The following LRRC8C variants were observed in gnomAD, a reference collection of about 807,000 sequenced individuals.
LRRC8C encodes the protein leucine rich repeat containing 8 VRAC subunit C.
In LRRC8C, 20 loss-of-function variants were observed where a neutral mutation model predicts 55.3. The observed-to-expected ratio is 0.36, with a 90% CI of 0.25 to 0.53. The LOEUF (loss-of-function observed/expected upper bound fraction) is 0.53. Ranked by LOEUF, LRRC8C falls within the 20% of genes least tolerant of loss-of-function variation. The pLI, the probability that LRRC8C is intolerant of heterozygous loss-of-function variation, is 0.92. For synonymous variants in LRRC8C, 376 were observed against 360.7 expected, an observed-to-expected ratio of 1.04 and a Z score of -0.48; for missense variants, 659 against 951.4, an observed-to-expected ratio of 0.69 and a Z score of 4.04.
chr1:89,621,029 G>A, the LRRC8C span, among the ~76,000 whole-genome samples: 2 of 152,182 alleles, frequency 1.3e-5, no homozygotes, highest in South Asian at 2.1e-4. Context: ...TAACGTTGCA[G>A]AGAATTTTGC....
intron 2 of LRRC8C, among the ~76,000 whole-genome samples, chr1:89,709,404 C>T (rs747902753): frequency 2.4e-4 from 36 of 152,188 alleles, no homozygotes; most frequent in Admixed American, 5.2e-4. Context: ...AATATAAAAA[C>T]GCAGTTGCAC....
Position 89,635,960 on chromosome 1 carries a change from A to G in LRRC8C, c.-5+2638A>G, listed in dbSNP as rs1354000112. Among the ~76,000 whole-genome samples the G allele has an allele frequency of 2.6e-5, 4 of 152,238 alleles. No individual in the cohort carries two copies. The East Asian group carries it at 7.7e-4, about 29-fold the overall frequency. ...TACAACTAATGAGGGTTACATAACC[A>G]TGGAGGTATCCTTGAATCTACTTGA... On this transcript the variant is annotated intron_variant, in intron 1 of 2. Coordinates refer to ENST00000370454, the MANE Select transcript of LRRC8C (RefSeq NM_032270.5).
At chr1:89,625,364 T>G in the LRRC8C span, among the ~76,000 whole-genome samples, 4 of 152,206 alleles carry the variant, frequency 2.6e-5, no homozygotes, top group Non-Finnish European at 5.9e-5. Context: ...AGTTGGTCAA[T>G]GAAAGAAATA....
At position 89,694,368 on chromosome 1, in the gene LRRC8C, GT is replaced by G. The variant is rs1488074067; in HGVS notation, c.138+7758del. On this transcript the variant is annotated intron_variant, in intron 2 of 2. Coordinates refer to ENST00000370454, the MANE Select transcript of LRRC8C (RefSeq NM_032270.5). Reference sequence around the variant, plus strand: ...TGGTGTATTACAGAAGATAAGACTTGTGGGGCATGGTAACATTCTACAGATG... The same window carrying G: ...TGGTGTATTACAGAAGATAAGACTTGGGGGCATGGTAACATTCTACAGATG... Among the ~76,000 whole-genome samples the G allele has an allele frequency of 2.0e-5, 3 of 152,224 alleles. No homozygotes were observed. In the East Asian group the frequency reaches 5.8e-4, roughly 29 times the overall value.
At chr1:89,653,080 A>G (rs1468856079) in intron 1 of LRRC8C, among the ~76,000 whole-genome samples, 1 of 152,136 alleles carries the variant, frequency 6.6e-6, no homozygotes, top group African/African-American at 2.4e-5. Flanking sequence ...TCTGAATGAG[A>G]TGAGGAACCA....
chr1:89,672,496 C>T (rs1657449089), intron 1 of LRRC8C, among the ~76,000 whole-genome samples: 1 of 152,196 alleles, frequency 6.6e-6, no homozygotes, highest in Non-Finnish European at 1.5e-5. Flanking sequence ...AAATAAAGTT[C>T]CAGGCATCGT....
At chr1:89,679,992 G>A (rs1239496128) in intron 1 of LRRC8C, among the ~76,000 whole-genome samples, 1 of 152,094 alleles carries the variant, frequency 6.6e-6, no homozygotes, top group African/African-American at 2.4e-5. Context: ...AAATTATCCT[G>A]GGGAGGAGGA....
chr1:89,669,643 G>C (rs1402575210), intron 1 of LRRC8C, among the ~76,000 whole-genome samples: 1 of 152,116 alleles, frequency 6.6e-6, no homozygotes, highest in Non-Finnish European at 1.5e-5. Flanking sequence ...CTCAAGATGA[G>C]AAAACAGAAG....
At chr1:89,711,530 T>G (rs762556990) in intron 2 of LRRC8C, among the ~76,000 whole-genome samples, 23 of 152,262 alleles carry the variant, frequency 1.5e-4, no homozygotes, top group Admixed American at 2.6e-4. Flanking sequence ...TACTCTTTGG[T>G]TATTCTTCCT....
intron 1 of LRRC8C, among the ~76,000 whole-genome samples, chr1:89,668,849 A>C (rs1455095898): frequency 6.6e-6 from 1 of 152,226 alleles, no homozygotes; most frequent in Non-Finnish European, 1.5e-5. Flanking sequence ...AAGCATGATA[A>C]CATTATATGT....
chr1:89,703,723 G>A (rs1423737507), intron 2 of LRRC8C, among the ~76,000 whole-genome samples: 1 of 151,962 alleles, frequency 6.6e-6, no homozygotes, highest in Non-Finnish European at 1.5e-5. Context: ...AAATACAGTC[G>A]CTATCTTCCT....
chr1:89,691,799 G>A (rs1287160016), intron 2 of LRRC8C, among the ~76,000 whole-genome samples: 1 of 152,004 alleles, frequency 6.6e-6, no homozygotes, highest in Non-Finnish European at 1.5e-5. Flanking sequence ...AGATTGTGAG[G>A]GCAAGGTTTG....
At chr1:89,650,502 A>AT (rs1472237528) in intron 1 of LRRC8C, among the ~76,000 whole-genome samples, 1 of 152,080 alleles carries the variant, frequency 6.6e-6, no homozygotes, top group Non-Finnish European at 1.5e-5. Flanking sequence ...GAAGTAAAAA[A>AT]AAAAAGGTAT....
chr1:89,672,782 A>ATATTTATT (rs147921862), intron 1 of LRRC8C, among the ~76,000 whole-genome samples: 8 of 147,690 alleles, frequency 5.4e-5, no homozygotes, highest in African/African-American at 1.6e-4. Context: ...CGTTGACTGG[A>ATATTTATT]TATTTATTTA....
chr1:89,661,211 T>C, intron 1 of LRRC8C: 1 of 224,960 alleles, frequency 4.4e-6, no homozygotes, highest in South Asian at 6.1e-5. Context: ...GAAACATTTG[T>C]TAGAAATCTG....
chr1:89,714,293 G>C lies in LRRC8C; in HGVS notation c.1723G>C (p.Asp575His), dbSNP rs140888492. The change falls in exon 3 of 3, where the codon GAT becomes CAT. Residue 575 changes from aspartate (D) to histidine (H), a missense_variant. Asp to His is a moderately conservative substitution (Grantham distance 81). Transcript: ENST00000370454. This position sits in a 1 kb window ranked among gnomAD's most constrained non-coding sequence, Gnocchi z 4.6. ...SHLQKMCIHN[D>H]GTKLVMLNNL... ...TCTCCAGAAGATGTGCATACATAAT[G>C]ATGGCACCAAGCTGGTGATGCTCAA... The C allele has an allele frequency of 4.3e-6, 7 of 1,614,012 alleles. No homozygotes were observed. In the African/African-American group the frequency reaches 6.7e-5, roughly 15 times the overall value.
At chr1:89,626,070 T>C in the LRRC8C span, among the ~76,000 whole-genome samples, 27 of 152,342 alleles carry the variant, frequency 1.8e-4, 2 homozygotes, top group Admixed American at 9.1e-4. Context: ...CAGTCATTTG[T>C]AGATTTAATT....
chr1:89,661,349 T>TG (rs781258017), intron 1 of LRRC8C: 9 of 347,816 alleles, frequency 2.6e-5, no homozygotes, highest in Non-Finnish European at 5.1e-5. Flanking sequence ...GATTGAACAA[T>TG]GCCAGACACG....
intron 2 of LRRC8C, among the ~76,000 whole-genome samples, chr1:89,697,569 G>A (rs1017293632): frequency 7.9e-5 from 12 of 152,132 alleles, no homozygotes; most frequent in Non-Finnish European, 1.5e-4. Flanking sequence ...TCAAACAACC[G>A]AAACAAATAG....
Sources: allele counts gnomAD v4.1 joint callset (sites outside exome capture counted in the v4.1 genomes callset), GRCh38; gene constraint gnomAD v4.1.1; non-coding constraint Gnocchi (gnomAD v3.1); transcripts MANE v1.5; gene names NCBI Gene and HGNC (gene_info 2026-07-23, HGNC 2026-07-21).